Variants in DLGAP4 observed in about 807,000 individuals in gnomAD.
DLGAP4 encodes DLG associated protein 4, also known as disks large-associated protein 4.
A neutral mutation model predicts 86.9 loss-of-function variants in DLGAP4; 18 were observed. That is an observed-to-expected ratio of 0.21 (90% CI 0.14 to 0.31). The LOEUF is 0.31. DLGAP4 is among the 10% of genes least tolerant of loss of function. The pLI, the probability that DLGAP4 is intolerant of heterozygous loss-of-function variation, is 1.00. For missense variants in DLGAP4, 1,085 were observed against 1,362.6 expected, an observed-to-expected ratio of 0.80 and a Z score of 3.21; for synonymous variants, 548 against 574.3, an observed-to-expected ratio of 0.95 and a Z score of 0.65.
chr20:36,347,136 C>T (rs1354005480), intron 1 of DLGAP4, among the ~76,000 whole-genome samples: 2 of 152,066 alleles, frequency 1.3e-5, no homozygotes, highest in Non-Finnish European at 2.9e-5. Flanking sequence ...GTGCAGGGCT[C>T]CCAGATCTCC....
chr20:36,433,137 A>G (rs750294366), intron 3 of DLGAP4, among the ~76,000 whole-genome samples: 17 of 152,204 alleles, frequency 1.1e-4, no homozygotes, highest in Non-Finnish European at 2.4e-4. Flanking sequence ...AGGATCTGGC[A>G]TGCAGGAAGT....
intron 10 of DLGAP4, among the ~76,000 whole-genome samples, chr20:36,520,222 T>C (rs773690129): frequency 6.6e-6 from 1 of 152,168 alleles, no homozygotes; most frequent in Admixed American, 6.6e-5. Context: ...TAAAACTGGG[T>C]TTATCTTTTT....
intron 10 of DLGAP4, among the ~76,000 whole-genome samples, chr20:36,513,833 G>A (rs2036875408): frequency 6.6e-6 from 1 of 152,170 alleles, no homozygotes; most frequent in Admixed American, 6.6e-5. Flanking sequence ...CTGAAATGGG[G>A]AAAACTATAG....
intron 7 of DLGAP4, among the ~76,000 whole-genome samples, chr20:36,481,937 G>A (rs1243344940): frequency 1.3e-5 from 2 of 152,026 alleles, no homozygotes; most frequent in African/African-American, 2.4e-5. Context: ...TTGTGTAATT[G>A]TCTTACTTGG....
In DLGAP4 at chr20:36,448,449, C is replaced by T. The variant is rs76466318; in HGVS notation, c.1648+1512C>T. Among the ~76,000 whole-genome samples, 17 of 152,332 alleles carry T rather than the reference C, an allele frequency of 1.1e-4. No homozygotes were observed. The East Asian group carries it at 2.3e-3, about 21-fold the overall frequency. ...TTGAGCTTACTCTGGCAAGCTAGTT[C>T]GCCTTCCTGAGCCTCAGTTTCTCCA... On this transcript the variant is annotated intron_variant, in intron 7 of 12. Transcript: ENST00000339266.
At chr20:36,436,747 C>T (rs895074572) in intron 4 of DLGAP4, among the ~76,000 whole-genome samples, 1 of 151,120 alleles carries the variant, frequency 6.6e-6, no homozygotes, top group African/African-American at 2.4e-5. Context: ...ACCCGGGAGG[C>T]GGAGATTGCA....
intron 1 of DLGAP4, among the ~76,000 whole-genome samples, chr20:36,349,235 G>A (rs901408044): frequency 1.3e-5 from 2 of 150,362 alleles, no homozygotes; most frequent in Admixed American, 1.3e-4. Context: ...TGGCTAACAC[G>A]GTGAGACCCT....
chr20:36,499,785 C>A, intron 9 of DLGAP4, 109 bp downstream of exon 9: 3 of 1,090,016 alleles, frequency 2.8e-6, no homozygotes, highest in Non-Finnish European at 4.0e-6. Context: ...TTCTAATAAC[C>A]AAGCTGGGTT....
rs1296486348 is a variant in DLGAP4, at chr20:36,436,455, C to A, written c.1241+105C>A. On this transcript the variant is annotated intron_variant, in intron 4 of 12. Coordinates refer to ENST00000339266, the MANE Select transcript of DLGAP4 (RefSeq NM_001365621.2). ...CCTGCATTAAAATAAGCCCCGCCTG[C>A]GTGGGAGCCACGCCCCCTTTGAGCC... 4.9e-6 allele frequency: 7 copies of A among 1,420,346 alleles called. No homozygotes were observed. In the Admixed American group the frequency reaches 2.0e-4, roughly 40 times the overall value. The allele number at this position is 1,420,346 out of a possible 1,614,324, so 88.0% of individuals were successfully genotyped here. A position where few individuals can be genotyped will look rare whatever the true frequency, so the allele number is the denominator to read the frequency against.
rs1162868123 is a variant in DLGAP4 at position 36,526,981 on chromosome 20, A to G, written c.2929A>G (p.Ser977Gly). 6.2e-7 allele frequency: 1 copy of G among 1,612,458 alleles called. No individual in the cohort carries two copies. Among genetic ancestry groups the G allele is most frequent in the East Asian group, 2.2e-5 (1 of 44,826 alleles). Residue 977 changes from serine to glycine, a missense_variant, in exon 13 of 13, where the codon AGC (serine) becomes GGC (glycine). This residue lies in a region of DLGAP4 where 1,082 missense variants were observed against 1,344.1 expected (regional missense o/e 0.81). Coordinates refer to ENST00000339266, the MANE Select transcript of DLGAP4 (RefSeq NM_001365621.2). ...TGTGCGGCAGAACTCAGCCACCGAG[A>G]GCGCAGACAGCATCGAGATTTATGT... Reference protein sequence around the residue: ...ASVRQNSATESADSIEIYVPE... With the variant: ...ASVRQNSATEGADSIEIYVPE...
At position 36,526,866 on chromosome 20, in the gene DLGAP4, G is replaced by C; in HGVS notation, c.2814G>C (p.Pro938=). 1 of 1,612,126 alleles carries C rather than the reference G, an allele frequency of 6.2e-7. No individual in the cohort carries two copies. The highest frequency in any genetic ancestry group is 8.5e-7 in the Non-Finnish European group (1 of 1,179,516). ...CAAAGAAGCCAGCCAAATCCAAGCC[G>C]GCAGTGAGCCGCGACAAGGCCTCAG... ...PVPKKPAKSK[P]AVSRDKASDA... is the part of the protein sequence containing the mutation. The change falls in exon 13 of 13, where the codon CCG becomes CCC. Residue 938 remains proline (P), a synonymous_variant. Coordinates refer to ENST00000339266, the MANE Select transcript of DLGAP4 (RefSeq NM_001365621.2).
intron 5 of DLGAP4, among the ~76,000 whole-genome samples, chr20:36,441,556 C>T (rs1399268458): frequency 3.9e-5 from 6 of 152,194 alleles, no homozygotes; most frequent in Admixed American, 3.9e-4. Flanking sequence ...ACTAGGATCT[C>T]CTGGGAGCGG....
chr20:36,307,340 T>G (rs1296767143), intron 1 of DLGAP4, among the ~76,000 whole-genome samples: 1 of 152,084 alleles, frequency 6.6e-6, no homozygotes, highest in Non-Finnish European at 1.5e-5. Context: ...AGGGGACAGG[T>G]GCTACCTGGA....
chr20:36,342,330 C>T (rs1167470701), intron 1 of DLGAP4, among the ~76,000 whole-genome samples: 1 of 152,172 alleles, frequency 6.6e-6, no homozygotes, highest in Non-Finnish European at 1.5e-5. Flanking sequence ...AACGGGAGTG[C>T]TTGTTGGCTG....
At chr20:36,424,979 A>G (rs78631332) in intron 2 of DLGAP4, among the ~76,000 whole-genome samples, 3,167 of 152,198 alleles carry the variant, frequency 0.021, 59 homozygotes, top group Non-Finnish European at 0.034. Context: ...CAAGTAATCC[A>G]GGCGTGAGCC....
chr20:36,482,033 G>A (rs1487204225), intron 7 of DLGAP4, among the ~76,000 whole-genome samples: 1 of 152,150 alleles, frequency 6.6e-6, no homozygotes, highest in African/African-American at 2.4e-5. Context: ...GGGTGTGCCT[G>A]GCACAGAGAC....
intron 1 of DLGAP4, among the ~76,000 whole-genome samples, chr20:36,328,668 G>A (rs1307031386): frequency 6.6e-6 from 1 of 151,804 alleles, no homozygotes; most frequent in African/African-American, 2.4e-5. Context: ...TGCTCTTATC[G>A]CCCAGGCTGG....
At chr20:36,316,517 T>C (rs2147338153) in intron 1 of DLGAP4, among the ~76,000 whole-genome samples, 1 of 152,252 alleles carries the variant, frequency 6.6e-6, no homozygotes, top group East Asian at 1.9e-4. Flanking sequence ...AACCCTGCCT[T>C]TCCCAACCAC....
intron 1 of DLGAP4, among the ~76,000 whole-genome samples, chr20:36,316,143 A>G (rs1463111972): frequency 6.6e-6 from 1 of 152,186 alleles, no homozygotes; most frequent in Non-Finnish European, 1.5e-5. Context: ...TCTTTTGGCA[A>G]CAGCCTTCAT....
Sources: gnomAD v4.1 joint callset for allele counts (sites outside exome capture counted in the v4.1 genomes callset) on GRCh38, gnomAD v4.1.1 for gene constraint, gnomAD v4.1.1 regional missense constraint, MANE v1.5 for transcripts, NCBI Gene and HGNC (gene_info 2026-07-23, HGNC 2026-07-21) for gene names.